Variants in GRM5 observed in about 807,000 individuals in gnomAD.
The protein encoded by GRM5 is glutamate metabotropic receptor 5.
Under a neutral mutation model 83.1 loss-of-function variants are expected in GRM5, and 19 were observed. That is an observed-to-expected ratio of 0.23 (90% CI 0.16 to 0.34). The LOEUF (loss-of-function observed/expected upper bound fraction) is 0.34. Among genes scored for constraint, GRM5 ranks in the 10% least tolerant of loss-of-function variants. GRM5 has a pLI of 1.00. For missense variants in GRM5, 1,160 were observed against 1,588.3 expected, an observed-to-expected ratio of 0.73 and a Z score of 4.58; for synonymous variants, 675 against 633.6, an observed-to-expected ratio of 1.07 and a Z score of -0.98.
At chr11:88,940,505 C>G (rs1357488491) in intron 2 of GRM5, among the ~76,000 whole-genome samples, 2 of 150,084 alleles carry the variant, frequency 1.3e-5, no homozygotes, top group Non-Finnish European at 3.0e-5. Flanking sequence ...TCTTACTACT[C>G]AAAATTAATA....
At chr11:88,718,514 A>C (rs1035888218) in intron 3 of GRM5, among the ~76,000 whole-genome samples, 5 of 151,994 alleles carry the variant, frequency 3.3e-5, no homozygotes, top group Non-Finnish European at 7.4e-5. Context: ...GTATTCATAT[A>C]TTACTTATAT....
In GRM5 at chr11:88,877,951, C is replaced by G. The variant is rs528746543; in HGVS notation, c.662-27796G>C. Among the ~76,000 whole-genome samples the G allele has an allele frequency of 8.6e-5, 13 of 152,012 alleles. No individual in the cohort carries two copies. The South Asian group carries it at 2.7e-3, about 32-fold the overall frequency. On this transcript the variant is annotated intron_variant, in intron 2 of 9. Coordinates refer to ENST00000305447, the MANE Select transcript of GRM5 (RefSeq NM_001143831.3). ...AGCGCACCAGCATGGCACATGTATA[C>G]ATATGTAACTAACCTGCACATTGTG... is the stretch of plus-strand genomic sequence containing the variant.
At chr11:88,986,992 A>T (rs543495202) in intron 2 of GRM5, among the ~76,000 whole-genome samples, 1 of 151,556 alleles carries the variant, frequency 6.6e-6, no homozygotes, top group Non-Finnish European at 1.5e-5. Flanking sequence ...AGATCATCCT[A>T]TCGGGGGAAG....
At chr11:88,719,739 C>CT (rs1941489474) in intron 3 of GRM5, among the ~76,000 whole-genome samples, 1 of 151,868 alleles carries the variant, frequency 6.6e-6, no homozygotes, top group Non-Finnish European at 1.5e-5. Flanking sequence ...TGGCTCTTGA[C>CT]TTTAATAATA....
intron 2 of GRM5, among the ~76,000 whole-genome samples, chr11:88,980,949 T>C (rs1939500190): frequency 6.6e-6 from 1 of 152,074 alleles, no homozygotes; most frequent in African/African-American, 2.4e-5. Context: ...GAGGTAAGGA[T>C]ATATAGAAAT....
At chr11:89,063,176 A>G (rs1196301375) in intron 1 of GRM5, among the ~76,000 whole-genome samples, 1 of 152,216 alleles carries the variant, frequency 6.6e-6, no homozygotes, top group Non-Finnish European at 1.5e-5. Context: ...CACACTCTGC[A>G]TTCGAAACCA....
chr11:88,629,029 G>C (rs949133173), intron 4 of GRM5, among the ~76,000 whole-genome samples: 8 of 152,118 alleles, frequency 5.3e-5, no homozygotes, highest in African/African-American at 1.9e-4. Flanking sequence ...CTGCAAAGTA[G>C]GTTTGTAAAT....
chr11:88,735,787 A>T (rs928992372), intron 3 of GRM5, among the ~76,000 whole-genome samples: 3 of 152,106 alleles, frequency 2.0e-5, no homozygotes. Context: ...TTCGGGAGAC[A>T]TTGACTGCGT....
chr11:88,536,824 G>A (rs1019967209), intron 8 of GRM5, among the ~76,000 whole-genome samples: 3 of 152,070 alleles, frequency 2.0e-5, no homozygotes, highest in South Asian at 2.1e-4. Context: ...TCCTAATTTT[G>A]GATCTTGGCA....
chr11:88,616,437 A>C, intron 4 of GRM5, among the ~76,000 whole-genome samples: 1 of 99,660 alleles, frequency 1.0e-5, no homozygotes, highest in South Asian at 3.6e-4. Context: ...TTACAATCTG[A>C]TTTTCATTAA....
At chr11:88,778,939 C>T (rs1942917749) in intron 3 of GRM5, among the ~76,000 whole-genome samples, 1 of 152,096 alleles carries the variant, frequency 6.6e-6, no homozygotes, top group African/African-American at 2.4e-5. Context: ...GGCCTACTGC[C>T]CTTCTGGGTT....
intron 2 of GRM5, among the ~76,000 whole-genome samples, chr11:89,027,080 A>G (rs761728938): frequency 6.7e-6 from 1 of 150,308 alleles, no homozygotes; most frequent in Non-Finnish European, 1.5e-5. Flanking sequence ...AAGCTGTACC[A>G]CATTTTCTTT....
intron 2 of GRM5, among the ~76,000 whole-genome samples, chr11:89,029,219 T>C (rs555776852): frequency 2.1e-3 from 318 of 152,352 alleles, no homozygotes; most frequent in Non-Finnish European, 3.7e-3. Flanking sequence ...ACAGAATTTG[T>C]AACACAAATA....
chr11:88,884,148 G>T (rs996003729), intron 2 of GRM5, among the ~76,000 whole-genome samples: 1 of 150,908 alleles, frequency 6.6e-6, no homozygotes, highest in Admixed American at 6.6e-5. Context: ...GATACTCAAT[G>T]CCAGCTCATG....
At chr11:88,921,530 T>A (rs1312578615) in intron 2 of GRM5, among the ~76,000 whole-genome samples, 3 of 151,948 alleles carry the variant, frequency 2.0e-5, no homozygotes, top group Non-Finnish European at 4.4e-5. Flanking sequence ...CTCTGGAGGC[T>A]ATGGCAGGAG....
Position 88,505,828 on chromosome 11 carries a change from T to G in GRM5, c.*2764A>C, listed in dbSNP as rs1350263640. 1 of 152,230 alleles carries G rather than the reference T, an allele frequency of 6.6e-6. No individual in the cohort carries two copies. The highest frequency in any genetic ancestry group is 1.9e-4 in the East Asian group (1 of 5,200). The allele number at this position is 152,230 out of a possible 1,614,324, so 9.4% of individuals were successfully genotyped here. ...TTATCACTGGGCACCAGGAACAGAT[T>G]GTTTTGAAGGAAATTCAATGAGAAT... is the stretch of plus-strand genomic sequence containing the variant. On this transcript the variant is annotated 3_prime_UTR_variant, in exon 10 of 10. Transcript: ENST00000305447.
intron 3 of GRM5, among the ~76,000 whole-genome samples, chr11:88,744,196 T>G (rs1426347653): frequency 6.6e-6 from 1 of 152,126 alleles, no homozygotes; most frequent in Non-Finnish European, 1.5e-5. Context: ...GAGAGCAATT[T>G]GATTTACATT....
At chr11:89,051,923 G>C (rs1316612641) in intron 1 of GRM5, among the ~76,000 whole-genome samples, 1 of 152,150 alleles carries the variant, frequency 6.6e-6, no homozygotes, top group African/African-American at 2.4e-5. Flanking sequence ...ATTGAGAAAA[G>C]TGGTCACAGT....
At chr11:88,630,513 G>A (rs1938933232) in intron 4 of GRM5, among the ~76,000 whole-genome samples, 1 of 150,276 alleles carries the variant, frequency 6.7e-6, no homozygotes, top group Non-Finnish European at 1.5e-5. Flanking sequence ...GTTGCAAAGG[G>A]CTTAATAATA....
Sources: allele counts gnomAD v4.1 joint callset (sites outside exome capture counted in the v4.1 genomes callset), GRCh38; gene constraint gnomAD v4.1.1; transcripts MANE v1.5; gene names NCBI Gene and HGNC (gene_info 2026-07-23, HGNC 2026-07-21).